Variants in UPB1 observed in about 807,000 individuals in gnomAD.
UPB1 encodes the protein beta-ureidopropionase 1, also known as beta-ureidopropionase.
Under a neutral mutation model 49.1 loss-of-function variants are expected in UPB1, and 40 were observed. That is an observed-to-expected ratio of 0.81 (90% confidence interval 0.63 to 1.06). The LOEUF (loss-of-function observed/expected upper bound fraction) is 1.06. UPB1 is among the 50% of genes least tolerant of loss of function. The probability of loss-of-function intolerance (pLI) is 0.00; values close to 1 mark genes in which losing one functional copy is unlikely to be tolerated. For synonymous variants in UPB1, 207 were observed against 198.2 expected (o/e 1.04, Z -0.38); for missense variants, 499 against 505.9 (o/e 0.99, Z 0.13).
chr22:24,510,935 G>A (rs2044187808), intron 4 of UPB1, 92 bp downstream of exon 4: 1 of 1,308,006 alleles, frequency 7.6e-7, no homozygotes, highest in Non-Finnish European at 1.1e-6. Flanking sequence ...CTTTCACCAT[G>A]GAAAATGCAC....
rs145368798 is a variant in UPB1, at chr22:24,510,770, C to T, written c.386C>T (p.Thr129Met). The change falls in exon 4 of 10, where the codon ACG (threonine) becomes ATG (methionine). Residue 129 changes from threonine to methionine, a missense_variant. By Grantham distance (81) the Thr-to-Met change is moderately conservative. Transcript: ENST00000326010. ...EAWTMPFAFC[T>M]REKLPWTEFA... ...ATAGCTATGCCCTTTGCCTTCTGTA[C>T]GAGAGAGAAGCTTCCTTGGACAGAA... 4.0e-5 allele frequency: 65 copies of T among 1,614,114 alleles called. No homozygotes were observed. The African/African-American group carries it at 6.1e-4, about 15-fold the overall frequency.
intron 7 of UPB1, 62 bp from the exon 8 acceptor site, chr22:24,521,924 C>A: frequency 6.4e-7 from 1 of 1,567,030 alleles, no homozygotes; most frequent in South Asian, 1.1e-5. Flanking sequence ...GCTGAGTGAG[C>A]TGGAATGAGT....
At chr22:24,500,370 G>A (rs1036333442) in intron 2 of UPB1, 92 bp downstream of exon 2, 11 of 1,568,240 alleles carry the variant, frequency 7.0e-6, no homozygotes, top group African/African-American at 5.4e-5. Context: ...CGCATACTCC[G>A]GGTCTGCAGG....
In UPB1 at chr22:24,517,711, A is replaced by G. The variant is rs374156997; in HGVS notation, c.791+2341A>G. On this transcript the variant is annotated intron_variant, in intron 6 of 9. Coordinates refer to ENST00000326010, the MANE Select transcript of UPB1 (RefSeq NM_016327.3). ...ATGATTGATTTTTCTTTCCTCAGCC[A>G]AGAATCATCCAACCCTTGGCTTTCC... Among the ~76,000 whole-genome samples the G allele has an allele frequency of 5.9e-5, 9 of 152,354 alleles. No homozygotes were observed. The East Asian group carries it at 1.3e-3, about 23-fold the overall frequency.
intron 4 of UPB1, among the ~76,000 whole-genome samples, chr22:24,512,000 A>G (rs898734267): frequency 2.0e-5 from 3 of 152,064 alleles, no homozygotes; most frequent in African/African-American, 7.2e-5. Flanking sequence ...CTAACACAAT[A>G]ACTCTTTTCA....
chr22:24,509,823 A>G (rs998022917), intron 3 of UPB1, among the ~76,000 whole-genome samples: 1 of 152,126 alleles, frequency 6.6e-6, no homozygotes, highest in Admixed American at 6.5e-5. Flanking sequence ...CATCACCATG[A>G]TCTCCAGAAC....
intron 1 of UPB1, among the ~76,000 whole-genome samples, chr22:24,496,416 C>CACACAT (rs1555883979): frequency 8.1e-4 from 117 of 144,790 alleles, no homozygotes; most frequent in African/African-American, 3.1e-3. Flanking sequence ...CACACACACA[C>CACACAT]ACACACACAC....
chr22:24,526,122 A>G lies in UPB1; in HGVS notation c.*328A>G, dbSNP rs2044478239. 3 of 375,356 alleles carry G rather than the reference A, an allele frequency of 8.0e-6. No individual in the cohort carries two copies. The highest frequency in any genetic ancestry group is 6.4e-5 in the South Asian group (3 of 46,662). The allele number at this position is 375,356 out of a possible 1,614,324, so 23.3% of individuals were successfully genotyped here. On this transcript the variant is annotated 3_prime_UTR_variant, in exon 10 of 10. Coordinates refer to ENST00000326010, the MANE Select transcript of UPB1 (RefSeq NM_016327.3). ...GGTACTGCTTGTGCAGGTGGATTTG[A>G]GGTTAGGCAGATGATGCTGTCCATC... is the stretch of plus-strand genomic sequence containing the variant.
At chr22:24,516,681 GTC>G (rs2044299987) in intron 6 of UPB1, 1 of 151,980 alleles carries the variant, frequency 6.6e-6, no homozygotes, top group Admixed American at 6.6e-5. Flanking sequence ...GCCTGCACTT[GTC>G]TCTCTTGTCC....
At chr22:24,498,918 C>T (rs897309265) in intron 1 of UPB1, among the ~76,000 whole-genome samples, 11 of 152,272 alleles carry the variant, frequency 7.2e-5, no homozygotes, top group African/African-American at 2.4e-4. Context: ...TGGAAAGCTG[C>T]GTGATTTATG....
chr22:24,510,122 C>T (rs1418666311), intron 3 of UPB1, among the ~76,000 whole-genome samples: 5 of 151,730 alleles, frequency 3.3e-5, no homozygotes, highest in African/African-American at 1.2e-4. Context: ...ATCCCATCTA[C>T]TCGGGAAGGC....
intron 3 of UPB1, among the ~76,000 whole-genome samples, chr22:24,508,770 A>G (rs1211746251): frequency 2.0e-5 from 3 of 150,964 alleles, no homozygotes; most frequent in East Asian, 1.9e-4. Flanking sequence ...AATTTCAGCT[A>G]CTTGGGAGGC....
Position 24,525,580 on chromosome 22 carries a change from T to TCA in UPB1, c.1072-129_1072-128dup, listed in dbSNP as rs1369592743. ...CAGTACTAGAATCAGTGCCAAGAGG[T>TCA]CACTGTCAACGAGCCTTCCTGATGC... On this transcript the variant is annotated intron_variant, in intron 9 of 9. Transcript: ENST00000326010. The TCA allele has an allele frequency of 4.2e-5, 42 of 1,010,420 alleles. No homozygotes were observed. The Admixed American group carries it at 7.1e-4, about 17-fold the overall frequency. 62.6% of individuals were successfully genotyped at this position (1,010,420 alleles called of 1,614,324 possible).
chr22:24,508,083 C>CAT (rs2044124083), intron 3 of UPB1, among the ~76,000 whole-genome samples: 1 of 152,324 alleles, frequency 6.6e-6, no homozygotes, highest in African/African-American at 2.4e-5. Context: ...ATATGCCTGG[C>CAT]ATTTAGGAGA....
chr22:24,505,408 C>T (rs1241908488), intron 3 of UPB1, among the ~76,000 whole-genome samples: 4 of 152,158 alleles, frequency 2.6e-5, no homozygotes, highest in East Asian at 1.9e-4. Flanking sequence ...AGTGGTAATT[C>T]CCAGGTAATC....
In UPB1 at chr22:24,525,818, G is replaced by A. The variant is rs781562968; in HGVS notation, c.*24G>A. 1.2e-6 allele frequency: 2 copies of A among 1,614,004 alleles called. No individual in the cohort carries two copies. Among genetic ancestry groups the A allele is most frequent in the South Asian group, 1.1e-5 (1 of 91,080 alleles). On this transcript the variant is annotated 3_prime_UTR_variant, in exon 10 of 10. Coordinates refer to ENST00000326010, the MANE Select transcript of UPB1 (RefSeq NM_016327.3). ...AGCCGGCTTCAGTGCCTGCCTTGGG[G>A]TGAGGAAGACACCTCTGCCCCAGTG...
intron 4 of UPB1, among the ~76,000 whole-genome samples, chr22:24,511,354 A>G (rs943725231): frequency 6.6e-6 from 1 of 152,198 alleles, no homozygotes; most frequent in Non-Finnish European, 1.5e-5. Context: ...GACAGAAAGT[A>G]GATAAGTGGT....
rs970320196 is a variant in UPB1 at position 24,520,450 on chromosome 22, C to T, written c.855C>T (p.Ala285=). ...AAIANHCFTC[A]INRVGTEHFP... is the part of the protein sequence containing the mutation. ...TTGCCAATCACTGCTTCACCTGCGC[C>T]ATCAATCGAGTGGGCACCGTAAGTC... Residue 285 remains alanine (A), a synonymous_variant, in exon 7 of 10, where the codon GCC becomes GCT. Coordinates refer to ENST00000326010, the MANE Select transcript of UPB1 (RefSeq NM_016327.3). 7.4e-6 allele frequency: 12 copies of T among 1,614,008 alleles called. No individual in the cohort carries two copies. The highest frequency in any genetic ancestry group is 1.6e-4 in the Middle Eastern group (1 of 6,084).
At chr22:24,495,607 G>A in intron 1 of UPB1, 100 bp downstream of exon 1, 1 of 1,317,068 alleles carries the variant, frequency 7.6e-7, no homozygotes, top group Non-Finnish European at 1.1e-6. Context: ...GGGCTCAGGG[G>A]AGGCGGTGAG....
Sources: allele counts gnomAD v4.1 joint callset (sites outside exome capture counted in the v4.1 genomes callset), GRCh38; gene constraint gnomAD v4.1.1; transcripts MANE v1.5; gene names NCBI Gene and HGNC (gene_info 2026-07-23, HGNC 2026-07-21).